The following SMG1 variants were observed in gnomAD, a reference collection of about 807,000 sequenced individuals.
The protein encoded by SMG1 is serine/threonine-protein kinase SMG1.
In SMG1, 22 loss-of-function variants were observed where a neutral mutation model predicts 419.9. The ratio of observed to expected loss-of-function variants is 0.05; its 90% CI spans 0.04 to 0.07. SMG1 has a LOEUF of 0.07. Ranked by LOEUF, SMG1 falls within the 10% of genes least tolerant of loss-of-function variation. SMG1 has a pLI of 1.00. For synonymous variants in SMG1, 1,538 were observed against 1,553.5 expected, an observed-to-expected ratio of 0.99 and a Z score of 0.23; for missense variants, 3,185 against 4,342.0, an observed-to-expected ratio of 0.73 and a Z score of 7.49.
At chr16:18,919,634 A>ATGTGTGTGTG (rs377359517) in intron 1 of SMG1, among the ~76,000 whole-genome samples, 13 of 124,664 alleles carry the variant, frequency 1.0e-4, no homozygotes, top group Admixed American at 1.7e-4. Flanking sequence ...AAAAAAAAAA[A>ATGTGTGTGTG]TGTGTGTGTG....
At position 18,926,335 on chromosome 16, in the gene SMG1, T is replaced by G; in HGVS notation, c.-294A>C. 2.9e-6 allele frequency: 1 copy of G among 347,264 alleles called. No homozygotes were observed. The highest frequency in any genetic ancestry group is 5.2e-6 in the Non-Finnish European group (1 of 191,686). The allele number at this position is 347,264 out of a possible 1,614,324, so 21.5% of individuals were successfully genotyped here. A position where few individuals can be genotyped will look rare whatever the true frequency, so the allele number is the denominator to read the frequency against. On this transcript the variant is annotated 5_prime_UTR_variant, in exon 1 of 63. Coordinates refer to ENST00000446231, the MANE Select transcript of SMG1 (RefSeq NM_015092.5). ...TTTCCAGGGCCGTGCGCGGCCCACG[T>G]CGCCGGGGCCCCGGAGGACGAGGAC... is the stretch of plus-strand genomic sequence containing the variant.
intron 29 of SMG1, among the ~76,000 whole-genome samples, chr16:18,855,657 TCA>T (rs1027619540): frequency 2.6e-5 from 4 of 152,180 alleles, no homozygotes; most frequent in African/African-American, 9.7e-5. Flanking sequence ...TTGGCCACCA[TCA>T]CAGACTTTAC....
chr16:18,811,686 A>C, intron 62 of SMG1, 75 bp downstream of exon 62: 1 of 1,240,186 alleles, frequency 8.1e-7, no homozygotes, highest in South Asian at 1.2e-5. Flanking sequence ...AAGGAAATCG[A>C]TGAGAGGGAT....
intron 1 of SMG1, chr16:18,925,439 C>T (rs1182701363): frequency 6.5e-6 from 1 of 153,158 alleles, no homozygotes; most frequent in African/African-American, 2.4e-5. Flanking sequence ...GAATGTTCTG[C>T]CTAGAGTCAG....
At chr16:18,921,154 A>AGAGAG (rs34756311) in intron 1 of SMG1, among the ~76,000 whole-genome samples, 1 of 143,436 alleles carries the variant, frequency 7.0e-6, no homozygotes, top group African/African-American at 2.6e-5. Context: ...AAAAAAAAAA[A>AGAGAG]AGAGAGAGAG....
At position 18,850,112 on chromosome 16, in the gene SMG1, C is replaced by T; in HGVS notation, c.5298G>A (p.Glu1766=). ...KLNAGQIPLD[E]DDPRLHLSHR... ...GACTTAAATGCAGCCTAGGGTCATCCTCATCTAAAGGAATCTAAGAGTGAA... is the reference window on the plus strand; with the variant it reads ...GACTTAAATGCAGCCTAGGGTCATCTTCATCTAAAGGAATCTAAGAGTGAA... Residue 1766 remains glutamate (E), a synonymous_variant, in exon 35 of 63, where the codon GAG becomes GAA. Coordinates refer to ENST00000446231, the MANE Select transcript of SMG1 (RefSeq NM_015092.5). The T allele has an allele frequency of 6.2e-7, 1 of 1,613,546 alleles. No individual in the cohort carries two copies. The highest frequency in any genetic ancestry group is 2.2e-5 in the East Asian group (1 of 44,892).
chr16:18,922,366 G>GA (rs2038230285), intron 1 of SMG1, among the ~76,000 whole-genome samples: 1 of 152,120 alleles, frequency 6.6e-6, no homozygotes, highest in African/African-American at 2.4e-5. Flanking sequence ...TTCTTCATAT[G>GA]AAAAAAACCA....
At position 18,815,230 on chromosome 16, in the gene SMG1, T is replaced by G. The variant is rs966941908; in HGVS notation, c.10566A>C (p.Thr3522=). 1.3e-6 allele frequency: 2 copies of G among 1,596,214 alleles called. No homozygotes were observed. Among genetic ancestry groups the G allele is most frequent in the Non-Finnish European group, 1.7e-6 (2 of 1,170,780 alleles). ...ATGACGTTGGACTCGAACATTCATT[T>G]GTTGCATCGGTGACTAAGGGTGATG... is the stretch of plus-strand genomic sequence containing the variant. The part of the protein sequence containing the change: ...SFASPLVTDA[T]NECSSPTSSA... The change falls in exon 60 of 63, where the codon ACA becomes ACC. Residue 3522 remains threonine, a synonymous_variant. Coordinates refer to ENST00000446231, the MANE Select transcript of SMG1 (RefSeq NM_015092.5).
At chr16:18,845,370 CG>C (rs1465382744) in intron 39 of SMG1, 58 bp downstream of exon 39, 1 of 1,420,478 alleles carries the variant, frequency 7.0e-7, no homozygotes, top group Non-Finnish European at 9.7e-7. Flanking sequence ...ATTGAAATTT[CG>C]TATCTCATGG....
chr16:18,887,519 T>TGTTTTTTTTTTTG (rs952532719), intron 6 of SMG1, among the ~76,000 whole-genome samples: 17 of 128,330 alleles, frequency 1.3e-4, no homozygotes, highest in African/African-American at 4.6e-4. Flanking sequence ...TTTTTTCCTT[T>TGTTTTTTTTTTTG]TTTTTTTTTT....
chr16:18,852,616 A>G (rs924969221), intron 31 of SMG1, among the ~76,000 whole-genome samples, 154 bp from the exon 32 acceptor site: 1 of 152,264 alleles, frequency 6.6e-6, no homozygotes, highest in Non-Finnish European at 1.5e-5. Context: ...AGAAGGCACA[A>G]ATATGAATTA....
intron 39 of SMG1, among the ~76,000 whole-genome samples, chr16:18,843,294 A>C (rs2034031349): frequency 6.6e-6 from 1 of 152,256 alleles, no homozygotes; most frequent in South Asian, 2.1e-4. Flanking sequence ...ACAAAACTGA[A>C]GAAAAGACAA....
rs576626068 is a variant in SMG1 at position 18,819,209 on chromosome 16, TAA to T, written c.9894+291_9894+292del. On this transcript the variant is annotated intron_variant, in intron 56 of 62. Transcript: ENST00000446231. Reference sequence around the variant, plus strand: ...AAATCTTTGGATCACTTTAGTTGTATAAAAGAGACCCAGAGAACCTTAAACAG... The same window carrying T: ...AAATCTTTGGATCACTTTAGTTGTATAAGAGACCCAGAGAACCTTAAACAG... 1.7e-3 allele frequency among the ~76,000 whole-genome samples: 260 copies of T among 152,362 alleles called. 1 individual carries two copies. The highest frequency in any genetic ancestry group is 3.4e-3 in the Middle Eastern group (1 of 294).
At chr16:18,842,823 CT>C (rs1174612428) in intron 39 of SMG1, among the ~76,000 whole-genome samples, 1 of 152,172 alleles carries the variant, frequency 6.6e-6, no homozygotes, top group Admixed American at 6.5e-5. Flanking sequence ...GAGGGAGACC[CT>C]GTCTCAAAAA....
chr16:18,925,080 G>T (rs1596677208), intron 1 of SMG1: 1 of 152,114 alleles, frequency 6.6e-6, no homozygotes, highest in Non-Finnish European at 1.5e-5. Flanking sequence ...AACAGACTCT[G>T]AATACAAGCA....
At chr16:18,834,566 CAGG>C (rs1402060800) in intron 49 of SMG1, 128 bp from the exon 50 acceptor site, 27 of 854,840 alleles carry the variant, frequency 3.2e-5, no homozygotes, top group African/African-American at 2.9e-4. Flanking sequence ...GACTTCAGGC[CAGG>C]AGTTCGAGAC....
Position 18,815,178 on chromosome 16 carries a change from C to A in SMG1, c.10618G>T (p.Ala3540Ser). The A allele has an allele frequency of 6.3e-7, 1 of 1,577,786 alleles. No individual in the cohort carries two copies. The change falls in exon 60 of 63, where the codon GCA (alanine) becomes TCA (serine). Residue 3540 changes from alanine to serine, a missense_variant. By Grantham distance (99) the Ala-to-Ser change is moderately conservative. Coordinates refer to ENST00000446231, the MANE Select transcript of SMG1 (RefSeq NM_015092.5). ...AGACTCAGGACTCTTCTCCTACCTG[C>A]AGCGAAGGATGGCTGATAAGTAGCA... is the stretch of plus-strand genomic sequence containing the variant. ...SSATYQPSFA[A>S]AVRSNTGQKT... is the part of the protein sequence containing the mutation.
intron 49 of SMG1, 125 bp downstream of exon 49, chr16:18,834,767 A>G (rs1596486153): frequency 9.2e-7 from 1 of 1,089,616 alleles, no homozygotes. Flanking sequence ...CAAGATAACT[A>G]AAATCTGAAA....
Position 18,835,836 on chromosome 16 carries a change from T to C in SMG1, c.8057+97A>G, listed in dbSNP as rs1596487942. 2.0e-5 allele frequency: 23 copies of C among 1,172,504 alleles called. No individual in the cohort carries two copies. The South Asian group carries it at 3.0e-4, about 15-fold the overall frequency. The allele number at this position is 1,172,504 out of a possible 1,614,324, so 72.6% of individuals were successfully genotyped here. A position where few individuals can be genotyped will look rare whatever the true frequency, so the allele number is the denominator to read the frequency against. On this transcript the variant is annotated intron_variant, in intron 48 of 62. Coordinates refer to ENST00000446231, the MANE Select transcript of SMG1 (RefSeq NM_015092.5). ...ATTGCTTGAACCTCAGAGACGGAGG[T>C]TGCAGTGAGCCAAGATCATGCCACC...
Sources: gnomAD v4.1 joint callset for allele counts (sites outside exome capture counted in the v4.1 genomes callset) on GRCh38, gnomAD v4.1.1 for gene constraint, MANE v1.5 for transcripts, NCBI Gene and HGNC (gene_info 2026-07-23, HGNC 2026-07-21) for gene names.